Variants in DRC12 observed in about 807,000 individuals in gnomAD.
DRC12 encodes dynein regulatory complex subunit 12 homolog.
the DRC12 span, chr11:119,195,638 A>C: frequency 1.6e-6 from 1 of 640,028 alleles, no homozygotes; most frequent in Non-Finnish European, 2.7e-6. Context: ...GTCTCTTTGG[A>C]ACCTCAGACA....
the DRC12 span, chr11:119,193,529 A>T: frequency 4.4e-6 from 6 of 1,364,994 alleles, no homozygotes; most frequent in African/African-American, 7.3e-5. Flanking sequence ...TGTGTATCCT[A>T]CACAGCATCA....
chr11:119,195,668 G>C, the DRC12 span: 1 of 601,544 alleles, frequency 1.7e-6, no homozygotes, highest in South Asian at 2.0e-5. Context: ...TCAGTGGGGA[G>C]GATGGAGTTT....
the DRC12 span, chr11:119,190,833 G>A: frequency 6.2e-7 from 1 of 1,611,958 alleles, no homozygotes. This position sits in a 1 kb window ranked among gnomAD's most constrained non-coding sequence, Gnocchi z 4.2. Context: ...CCTCCCTTTG[G>A]CATGCCTCTG....
At chr11:119,192,909 G>A in the DRC12 span, among the ~76,000 whole-genome samples, 5 of 152,332 alleles carry the variant, frequency 3.3e-5, no homozygotes, top group Middle Eastern at 6.8e-3. Flanking sequence ...GCCTCCCAAA[G>A]TGCTGGGATT....
the DRC12 span, chr11:119,190,836 T>C: frequency 6.2e-7 from 1 of 1,611,844 alleles, no homozygotes; most frequent in South Asian, 1.1e-5. The surrounding 1 kb of genome is among the most constrained non-coding windows in gnomAD (Gnocchi z 4.2). Flanking sequence ...CCCTTTGGCA[T>C]GCCTCTGGGG....
the DRC12 span, among the ~76,000 whole-genome samples, chr11:119,192,378 G>C: frequency 1.3e-5 from 2 of 152,360 alleles, no homozygotes; most frequent in Admixed American, 1.3e-4. Context: ...AGAGACAAGA[G>C]AAGCAAAGGC....
the DRC12 span, among the ~76,000 whole-genome samples, chr11:119,194,401 CT>C: frequency 1.9e-4 from 29 of 151,112 alleles, no homozygotes; most frequent in South Asian, 5.4e-3. Context: ...GTAATCCCAG[CT>C]ACTCGGGAGG....
At chr11:119,191,605 G>A in the DRC12 span, among the ~76,000 whole-genome samples, 8 of 151,590 alleles carry the variant, frequency 5.3e-5, no homozygotes, top group Non-Finnish European at 8.8e-5. Context: ...TCAGGAGTCC[G>A]AAACGAGCCC....
the DRC12 span, chr11:119,194,929 G>A: frequency 1.3e-6 from 2 of 1,551,268 alleles, no homozygotes; most frequent in Non-Finnish European, 1.7e-6. Flanking sequence ...TTACCCAAGT[G>A]GTCTCGGAGC....
chr11:119,190,907 G>GC, the DRC12 span: 1 of 1,549,794 alleles, frequency 6.5e-7, no homozygotes, highest in Non-Finnish European at 8.7e-7. The surrounding 1 kb of genome is among the most constrained non-coding windows in gnomAD (Gnocchi z 4.2). Flanking sequence ...CTCTCCAAAG[G>GC]TATCTGGAAA....
chr11:119,191,786 G>A, the DRC12 span, among the ~76,000 whole-genome samples: 8 of 151,760 alleles, frequency 5.3e-5, no homozygotes, highest in Non-Finnish European at 1.5e-5. Context: ...CAGAATGAGC[G>A]ACCAGAGTGA....
chr11:119,191,254 C>T, the DRC12 span, among the ~76,000 whole-genome samples: 3 of 151,954 alleles, frequency 2.0e-5, no homozygotes, highest in Non-Finnish European at 2.9e-5. Context: ...CACATGCCAC[C>T]ATGCCCAGCT....
the DRC12 span, chr11:119,193,925 T>C: frequency 6.5e-7 from 1 of 1,540,290 alleles, no homozygotes; most frequent in South Asian, 1.2e-5. Flanking sequence ...ACTGGCTGGG[T>C]CCCACTAAAT....
chr11:119,190,563 C>G, the DRC12 span: 15 of 1,555,994 alleles, frequency 9.6e-6, no homozygotes, highest in Admixed American at 1.7e-5. This position sits in a 1 kb window ranked among gnomAD's most constrained non-coding sequence, Gnocchi z 4.2. Flanking sequence ...CGTATCCCCT[C>G]TGTCTGCCCT....
the DRC12 span, among the ~76,000 whole-genome samples, chr11:119,192,562 G>T: frequency 6.6e-6 from 1 of 152,198 alleles, no homozygotes; most frequent in African/African-American, 2.4e-5. Context: ...AATATGTTTT[G>T]CTCACAAGAG....
At chr11:119,195,161 G>C in the DRC12 span, 1 of 640,578 alleles carries the variant, frequency 1.6e-6, no homozygotes, top group Non-Finnish European at 2.7e-6. Flanking sequence ...TGTCCTCACC[G>C]ACCAGCACAT....
At chr11:119,191,116 T>C in the DRC12 span, among the ~76,000 whole-genome samples, 1 of 151,830 alleles carries the variant, frequency 6.6e-6, no homozygotes, top group African/African-American at 2.4e-5. Flanking sequence ...TTTTTTTTTT[T>C]TTTAGATGGA....
At chr11:119,193,908 C>T in the DRC12 span, 32 of 1,549,792 alleles carry the variant, frequency 2.1e-5, no homozygotes, top group South Asian at 1.9e-4. Flanking sequence ...CCAGAGCCGC[C>T]GTCAGGACTG....
the DRC12 span, chr11:119,190,933 G>T: frequency 6.9e-7 from 1 of 1,446,002 alleles, no homozygotes; most frequent in Non-Finnish European, 9.3e-7. This position sits in a 1 kb window ranked among gnomAD's most constrained non-coding sequence, Gnocchi z 4.2. Context: ...CCTCAAATGG[G>T]CTCGTTCCAG....
Sources: allele counts gnomAD v4.1 joint callset (sites outside exome capture counted in the v4.1 genomes callset), GRCh38; gene constraint gnomAD v4.1.1; non-coding constraint Gnocchi (gnomAD v3.1); transcripts MANE v1.5; gene names NCBI Gene and HGNC (gene_info 2026-07-23, HGNC 2026-07-21).